PRKAR1B: variants seen among roughly 807,000 people sequenced by gnomAD.
PRKAR1B encodes cAMP-dependent protein kinase type I-beta regulatory subunit.
A neutral mutation model predicts 46.5 loss-of-function variants in PRKAR1B; 22 were observed. The ratio of observed to expected loss-of-function variants is 0.47; its 90% CI spans 0.34 to 0.68. The LOEUF (loss-of-function observed/expected upper bound fraction) is 0.68, where lower values mean the gene tolerates loss of function less well. Among genes scored for constraint, PRKAR1B ranks in the 30% least tolerant of loss-of-function variants. The pLI, the probability that PRKAR1B is intolerant of heterozygous loss-of-function variation, is 0.01. For missense variants in PRKAR1B, 445 were observed against 535.6 expected (o/e 0.83, Z 1.67); for synonymous variants, 259 against 217.7 (o/e 1.19, Z -1.67).
chr7:620,629 C>T (rs932613138), intron 4 of PRKAR1B, among the ~76,000 whole-genome samples: 29 of 152,272 alleles, frequency 1.9e-4, no homozygotes, highest in African/African-American at 6.7e-4. Context: ...ATTCCTTGGG[C>T]TTCTTAATGA....
At chr7:576,598 G>A (rs1046838750) in intron 9 of PRKAR1B, among the ~76,000 whole-genome samples, 7 of 151,920 alleles carry the variant, frequency 4.6e-5, no homozygotes, top group South Asian at 2.1e-4. Context: ...CAAATCCACC[G>A]TGTGGAGCTC....
At chr7:615,317 C>T (rs374466605) in intron 4 of PRKAR1B, among the ~76,000 whole-genome samples, 1 of 150,652 alleles carries the variant, frequency 6.6e-6, no homozygotes. Flanking sequence ...CCCAGCTACC[C>T]GGGAGGCTGA....
intron 4 of PRKAR1B, among the ~76,000 whole-genome samples, chr7:627,555 C>T (rs1783476867): frequency 6.6e-6 from 1 of 152,128 alleles, no homozygotes; most frequent in Non-Finnish European, 1.5e-5. Context: ...ACACGGCTGA[C>T]CCCCCCAATC....
At chr7:649,963 C>A (rs1784814800) in intron 4 of PRKAR1B, among the ~76,000 whole-genome samples, 2 of 151,734 alleles carry the variant, frequency 1.3e-5, no homozygotes, top group South Asian at 4.2e-4. Context: ...GCTGCATGAG[C>A]CACCAGGCCC....
At chr7:611,763 C>T (rs971510519) in intron 4 of PRKAR1B, among the ~76,000 whole-genome samples, 54 of 119,716 alleles carry the variant, frequency 4.5e-4, no homozygotes, top group Non-Finnish European at 6.8e-4. Context: ...GGTGAGTAGA[C>T]GAATGAATGG....
At chr7:603,107 C>A (rs892293523) in intron 6 of PRKAR1B, 2 of 152,278 alleles carry the variant, frequency 1.3e-5, no homozygotes, top group African/African-American at 4.8e-5. Context: ...CTGGGGGTGG[C>A]CTCAACCCCA....
rs907302780 is a variant in PRKAR1B at position 666,344 on chromosome 7, G to A, written c.440+10885C>T. 6.6e-6 allele frequency among the ~76,000 whole-genome samples: 1 copy of A among 150,670 alleles called. No individual in the cohort carries two copies. The highest frequency in any genetic ancestry group is 1.5e-5 in the Non-Finnish European group (1 of 67,916). On this transcript the variant is annotated intron_variant, in intron 4 of 10. Transcript: ENST00000537384. This position sits in a 1 kb window ranked among gnomAD's most constrained non-coding sequence, Gnocchi z 4.9. ...CTTCATGGTCCTGGCACATCAGAGAGCTCCGGAGCACGCGGGGCTGCTTCC... is the reference window on the plus strand; with the variant it reads ...CTTCATGGTCCTGGCACATCAGAGAACTCCGGAGCACGCGGGGCTGCTTCC...
chr7:721,241 C>T (rs1781060924), intron 1 of PRKAR1B, among the ~76,000 whole-genome samples: 1 of 152,180 alleles, frequency 6.6e-6, no homozygotes, highest in South Asian at 2.1e-4. Context: ...CTTCGATCAT[C>T]AAATATGATT....
intron 4 of PRKAR1B, among the ~76,000 whole-genome samples, chr7:653,030 G>A (rs1200845371): frequency 6.6e-6 from 1 of 152,178 alleles, no homozygotes; most frequent in South Asian, 2.1e-4. Context: ...CCCTCCACAT[G>A]ACTGCTTGGG....
chr7:554,457 C>T (rs139148647), intron 9 of PRKAR1B, among the ~76,000 whole-genome samples: 292 of 152,342 alleles, frequency 1.9e-3, no homozygotes, highest in African/African-American at 2.5e-3. Context: ...ATGAACCTGA[C>T]GGCCTCTGGT....
intron 2 of PRKAR1B, among the ~76,000 whole-genome samples, chr7:682,247 C>A (rs1778726965): frequency 6.6e-6 from 1 of 152,156 alleles, no homozygotes; most frequent in Non-Finnish European, 1.5e-5. Flanking sequence ...CTCACCGGGA[C>A]TCATCTGTGA....
chr7:584,471 T>C (rs1225687062), intron 8 of PRKAR1B, 37 bp downstream of exon 8: 2 of 1,600,688 alleles, frequency 1.2e-6, no homozygotes, highest in African/African-American at 2.7e-5. Context: ...CGCCCAGATG[T>C]CGGGACACAC....
chr7:577,617 C>G (rs891461626), intron 9 of PRKAR1B, among the ~76,000 whole-genome samples: 8 of 152,080 alleles, frequency 5.3e-5, no homozygotes, highest in Admixed American at 4.6e-4. Context: ...GCAGAGCCTC[C>G]GGACGACGGA....
At chr7:711,648 AT>A in intron 1 of PRKAR1B, 121 bp from the exon 2 acceptor site, 1 of 901,228 alleles carries the variant, frequency 1.1e-6, no homozygotes, top group East Asian at 2.6e-5. Flanking sequence ...CTGATTCTGC[AT>A]TTGTCAAAGA....
intron 2 of PRKAR1B, among the ~76,000 whole-genome samples, chr7:705,631 G>T (rs1434411117): frequency 1.3e-5 from 2 of 152,196 alleles, no homozygotes; most frequent in South Asian, 4.1e-4. Context: ...AAACTGGAAA[G>T]GATCCAAGTG....
At chr7:625,684 T>C (rs572537249) in intron 4 of PRKAR1B, among the ~76,000 whole-genome samples, 3 of 152,152 alleles carry the variant, frequency 2.0e-5, no homozygotes, top group Non-Finnish European at 4.4e-5. Context: ...ACAGGTCCTA[T>C]GGACATTAAA....
intron 1 of PRKAR1B, among the ~76,000 whole-genome samples, chr7:719,602 T>C (rs1434703843): frequency 2.0e-5 from 3 of 152,212 alleles, no homozygotes; most frequent in Non-Finnish European, 4.4e-5. Context: ...TTGTAACGTG[T>C]TGGCCCTCCT....
chr7:727,587 T>G, upstream of PRKAR1B: 10 of 180,202 alleles, frequency 5.5e-5, no homozygotes, highest in South Asian at 2.1e-4. Flanking sequence ...TACCCCCATG[T>G]ACCTGTTTCC....
chr7:559,979 G>A (rs1394793140), intron 9 of PRKAR1B, among the ~76,000 whole-genome samples: 1 of 152,092 alleles, frequency 6.6e-6, no homozygotes, highest in Non-Finnish European at 1.5e-5. Flanking sequence ...GAGGCAGGAG[G>A]ATCACTGCAG....
Sources: allele counts gnomAD v4.1 joint callset (sites outside exome capture counted in the v4.1 genomes callset), GRCh38; gene constraint gnomAD v4.1.1; non-coding constraint Gnocchi (gnomAD v3.1); transcripts MANE v1.5; gene names NCBI Gene and HGNC (gene_info 2026-07-23, HGNC 2026-07-21).